Variants in IRX6 observed in about 807,000 individuals in gnomAD.
IRX6 encodes the protein iroquois-class homeodomain protein IRX-6.
In IRX6, 46 loss-of-function variants were observed where a neutral mutation model predicts 47.7. The observed-to-expected ratio is 0.96, with a 90% CI of 0.76 to 1.23. The LOEUF (loss-of-function observed/expected upper bound fraction) is 1.23, where lower values mean the gene tolerates loss of function less well. IRX6 is among the 50% of genes most tolerant of loss of function. The pLI is 0.00. For synonymous variants in IRX6, 265 were observed against 246.2 expected (o/e 1.08, Z -0.72); for missense variants, 722 against 588.0 (o/e 1.23, Z -2.36).
At position 55,330,362 on chromosome 16, in the gene IRX6, A is replaced by G; in HGVS notation, c.*57A>G. On this transcript the variant is annotated 3_prime_UTR_variant, in exon 6 of 6. Transcript: ENST00000290552. ...GAAATGGGCCCCACGTTTCGAATTC[A>G]TCTCCAGGTTAAGAAGCTGCCAGAC... 1 of 1,581,514 alleles carries G rather than the reference A, an allele frequency of 6.3e-7. No homozygotes were observed. The highest frequency in any genetic ancestry group is 1.3e-5 in the African/African-American group (1 of 74,364).
At chr16:55,328,037 GCC>G in intron 4 of IRX6, 144 bp downstream of exon 4, 1 of 747,528 alleles carries the variant, frequency 1.3e-6, no homozygotes, top group African/African-American at 1.8e-5. Flanking sequence ...CAGAGCATTA[GCC>G]TGTGCACTGC....
intron 4 of IRX6, among the ~76,000 whole-genome samples, chr16:55,328,360 T>A (rs1215699019): frequency 2.0e-5 from 3 of 152,162 alleles, no homozygotes; most frequent in African/African-American, 7.2e-5. Context: ...CACTTGTAGA[T>A]GTTGAAATCG....
At chr16:55,325,205 C>A in intron 1 of IRX6, 69 bp downstream of exon 1, 1 of 1,483,262 alleles carries the variant, frequency 6.7e-7, no homozygotes, top group Non-Finnish European at 9.4e-7. Flanking sequence ...ACGGCGCCTG[C>A]CTCTGATCAT....
chr16:55,325,928 T>C (rs1240941424), intron 1 of IRX6: 1 of 185,536 alleles, frequency 5.4e-6, no homozygotes, highest in Admixed American at 5.4e-5. Context: ...TCCCAATCTA[T>C]AGAATGGGAG....
intron 3 of IRX6, 55 bp downstream of exon 3, chr16:55,327,460 C>T: frequency 6.4e-7 from 1 of 1,574,020 alleles, no homozygotes; most frequent in Non-Finnish European, 8.7e-7. Flanking sequence ...TCCCCCACTG[C>T]CAAGGTAGGG....
In IRX6 at chr16:55,324,388, C is replaced by T. The variant is rs59283668; in HGVS notation, c.-704C>T. On this transcript the variant is annotated 5_prime_UTR_variant, in exon 1 of 6. Coordinates refer to ENST00000290552, the MANE Select transcript of IRX6 (RefSeq NM_024335.3). This position sits in a 1 kb window ranked among gnomAD's most constrained non-coding sequence, Gnocchi z 4.4. ...CTCCCTCGCCGCCCCGGTTGCCTCT[C>T]GCCTCCTCCGGGCCGCAGGGGAGGA... The T allele has an allele frequency of 0.07, 10,670 of 151,970 alleles. 569 individuals carry two copies. Among genetic ancestry groups the T allele is most frequent in the African/African-American group, 0.15 (6,117 of 41,428 alleles). 9.4% of individuals were successfully genotyped at this position (151,970 alleles called of 1,614,324 possible). A position where few individuals can be genotyped will look rare whatever the true frequency, so the allele number is the denominator to read the frequency against.
At position 55,327,811 on chromosome 16, in the gene IRX6, G is replaced by A. The variant is rs149466488; in HGVS notation, c.639G>A (p.Ala213=). ...RLKKENKMTW[A]PKNKGGEERK... ...AGAAAGAGAACAAAATGACATGGGC[G>A]CCCAAGAACAAAGGTGGGGAGGAGA... is the stretch of plus-strand genomic sequence containing the variant. Residue 213 remains alanine, a synonymous_variant, in exon 4 of 6, where the codon GCG becomes GCA. Coordinates refer to ENST00000290552, the MANE Select transcript of IRX6 (RefSeq NM_024335.3). 112 of 1,612,904 alleles carry A rather than the reference G, an allele frequency of 6.9e-5. No homozygotes were observed. Among genetic ancestry groups the A allele is most frequent in the Middle Eastern group, 3.7e-4 (2 of 5,360 alleles).
In IRX6 at chr16:55,326,504, G is replaced by A; in HGVS notation, c.214G>A (p.Gly72Arg). 6.2e-7 allele frequency: 1 copy of A among 1,611,598 alleles called. No individual in the cohort carries two copies. Among genetic ancestry groups the A allele is most frequent in the Non-Finnish European group, 8.5e-7 (1 of 1,179,132 alleles). ...GCTGGGCGCCGCCTTGGGCATCTAT[G>A]GAGCACCCTATGCGGCCGCTGCAGC... is the stretch of plus-strand genomic sequence containing the variant. ...PELGAALGIY[G>R]APYAAAAAAQ... Residue 72 changes from glycine to arginine, a missense_variant, in exon 2 of 6, where the codon GGA becomes AGA. By Grantham distance (125) the Gly-to-Arg change is moderately radical. Transcript: ENST00000290552.
chr16:55,328,662 C>T, intron 4 of IRX6, 38 bp from the exon 5 acceptor site: 1 of 1,602,548 alleles, frequency 6.2e-7, no homozygotes, highest in Non-Finnish European at 8.5e-7. Flanking sequence ...TTCCCTTGGG[C>T]CCTGGGGCTT....
chr16:55,327,609 G>A lies in IRX6; in HGVS notation c.437G>A (p.Gly146Asp), dbSNP rs1960555490. 2 of 1,606,486 alleles carry A rather than the reference G, an allele frequency of 1.2e-6. No homozygotes were observed. The highest frequency in any genetic ancestry group is 1.1e-5 in the South Asian group (1 of 89,888). The change falls in exon 4 of 6, where the codon GGC (glycine) becomes GAC (aspartate). Residue 146 changes from glycine to aspartate, a missense_variant. By Grantham distance (94) the Gly-to-Asp change is moderately conservative (BLOSUM62 -1). Coordinates refer to ENST00000290552, the MANE Select transcript of IRX6 (RefSeq NM_024335.3). ...AGGTATGGCGCAGTGGAATTGAGTGGCGCCGGTCGCCGAAAGAACGCGACC... is the reference window on the plus strand; with the variant it reads ...AGGTATGGCGCAGTGGAATTGAGTGACGCCGGTCGCCGAAAGAACGCGACC... ...YERYGAVELSGAGRRKNATRE... is the reference protein window; with the variant it reads ...YERYGAVELSDAGRRKNATRE...
chr16:55,326,824 G>T, intron 2 of IRX6: 1 of 484,726 alleles, frequency 2.1e-6, no homozygotes, highest in East Asian at 3.2e-5. Flanking sequence ...CTCAATTTAA[G>T]AATGAGGAAA....
At position 55,326,409 on chromosome 16, in the gene IRX6, G is replaced by T; in HGVS notation, c.119G>T (p.Gly40Val). ...TQRSVSDVAS[G>V]STPAPALCCA... ...CGCTCTGTCTCAGATGTGGCATCAG[G>T]CTCCACCCCAGCGCCCGCTCTCTGC... The change falls in exon 2 of 6, where the codon GGC becomes GTC. Residue 40 changes from glycine (G) to valine (V), a missense_variant. Transcript: ENST00000290552. 1.2e-6 allele frequency: 2 copies of T among 1,614,022 alleles called. No homozygotes were observed. Among genetic ancestry groups the T allele is most frequent in the African/African-American group, 1.3e-5 (1 of 75,034 alleles).
chr16:55,326,415 C>G lies in IRX6; in HGVS notation c.125C>G (p.Thr42Ser), dbSNP rs1028522890. The G allele has an allele frequency of 8.7e-6, 14 of 1,614,040 alleles. No homozygotes were observed. Among genetic ancestry groups the G allele is most frequent in the Middle Eastern group, 1.6e-4 (1 of 6,062 alleles). ...GTCTCAGATGTGGCATCAGGCTCCA[C>G]CCCAGCGCCCGCTCTCTGCTGCGCA... ...RSVSDVASGS[T>S]PAPALCCAPY... The change falls in exon 2 of 6, where the codon ACC (threonine) becomes AGC (serine). Residue 42 changes from threonine (T) to serine (S), a missense_variant. Transcript: ENST00000290552.
intron 4 of IRX6, among the ~76,000 whole-genome samples, 200 bp downstream of exon 4, chr16:55,328,093 C>A (rs1171385717): frequency 6.6e-6 from 1 of 152,072 alleles, no homozygotes; most frequent in African/African-American, 2.4e-5. Flanking sequence ...TTCTTGACAT[C>A]AAAGTGTTAC....
Position 55,330,563 on chromosome 16 carries a change from C to A in IRX6, c.*258C>A, listed in dbSNP as rs754400710. 5.5e-5 allele frequency: 31 copies of A among 558,884 alleles called. No individual in the cohort carries two copies. The highest frequency in any genetic ancestry group is 8.3e-5 in the Non-Finnish European group (26 of 312,718). The allele number at this position is 558,884 out of a possible 1,614,324, so 34.6% of individuals were successfully genotyped here. On this transcript the variant is annotated 3_prime_UTR_variant, in exon 6 of 6. Coordinates refer to ENST00000290552, the MANE Select transcript of IRX6 (RefSeq NM_024335.3). ...CAAGTGGGAGGCTGGGAGGCTGCCC[C>A]ACCCACCGACTCTACCAAGTCTCTC...
In IRX6 at chr16:55,330,463, C is replaced by T. The variant is rs561110487; in HGVS notation, c.*158C>T. 2.4e-5 allele frequency: 18 copies of T among 755,100 alleles called. No homozygotes were observed. The highest frequency in any genetic ancestry group is 1.9e-4 in the African/African-American group (11 of 58,006). The allele number at this position is 755,100 out of a possible 1,614,324, so 46.8% of individuals were successfully genotyped here. A position where few individuals can be genotyped will look rare whatever the true frequency, so the allele number is the denominator to read the frequency against. On this transcript the variant is annotated 3_prime_UTR_variant, in exon 6 of 6. Transcript: ENST00000290552. ...AACCCTCCTAGCAGCTGTCCTTGCA[C>T]GCAGAGCTGGGGTGGTGGGCCGACT...
chr16:55,328,573 C>G (rs563111778), intron 4 of IRX6, 127 bp from the exon 5 acceptor site: 4 of 942,498 alleles, frequency 4.2e-6, no homozygotes, highest in Non-Finnish European at 3.2e-6. Flanking sequence ...TACGGCAGGT[C>G]TGGTGAATTA....
Position 55,329,297 on chromosome 16 carries a change from C to A in IRX6, c.1319C>A (p.Pro440Gln), listed in dbSNP as rs200624935. 11 of 1,601,076 alleles carry A rather than the reference C, an allele frequency of 6.9e-6. No individual in the cohort carries two copies. In the African/African-American group the frequency reaches 1.5e-4, roughly 21 times the overall value. The change falls in exon 5 of 6, where the codon CCG becomes CAG. Residue 440 changes from proline (P) to glutamine (Q), a missense_variant. Coordinates refer to ENST00000290552, the MANE Select transcript of IRX6 (RefSeq NM_024335.3). The part of the protein sequence containing the change: ...RSEPVVQCQY[P>Q]SGAEAG Reference sequence around the variant, plus strand: ...GAGCCTGTAGTGCAGTGCCAGTACCCGTCTGGAGCAGAAGGTAGTGGGCCC... The same window carrying A: ...GAGCCTGTAGTGCAGTGCCAGTACCAGTCTGGAGCAGAAGGTAGTGGGCCC...
In IRX6 at chr16:55,329,082, A is replaced by C. The variant is rs775630263; in HGVS notation, c.1104A>C (p.Pro368=). 3 of 1,614,006 alleles carry C rather than the reference A, an allele frequency of 1.9e-6. No individual in the cohort carries two copies. The Admixed American group carries it at 5.0e-5, about 27-fold the overall frequency. ...ATASAVEGAP[P]ARPRPRSPEC... is the part of the protein sequence containing the mutation. ...CCAGCGCTGTTGAAGGTGCACCCCC[A>C]GCCCGGCCTAGGCCACGAAGTCCTG... The change falls in exon 5 of 6, where the codon CCA becomes CCC. Residue 368 remains proline (P), a synonymous_variant. Transcript: ENST00000290552.
Sources: allele counts gnomAD v4.1 joint callset (sites outside exome capture counted in the v4.1 genomes callset), GRCh38; gene constraint gnomAD v4.1.1; non-coding constraint Gnocchi (gnomAD v3.1); transcripts MANE v1.5; gene names NCBI Gene and HGNC (gene_info 2026-07-23, HGNC 2026-07-21).